The following TPCN2 variants were observed in gnomAD, a reference collection of about 807,000 sequenced individuals.
The protein encoded by TPCN2 is two pore segment channel 2, also known as two pore channel protein 2.
In TPCN2, 92 loss-of-function variants were observed where a neutral mutation model predicts 111.4. That is an observed-to-expected ratio of 0.83 (90% CI 0.70 to 0.98). The LOEUF (loss-of-function observed/expected upper bound fraction) is 0.98, where lower values mean the gene tolerates loss of function less well. Ranked by LOEUF, TPCN2 falls within the 50% of genes least tolerant of loss-of-function variation. TPCN2 has a pLI of 0.00. For synonymous variants in TPCN2, 405 were observed against 414.5 expected (o/e 0.98, Z 0.28); for missense variants, 995 against 980.1 (o/e 1.02, Z -0.20).
Position 69,072,621 on chromosome 11 carries a change from C to G in TPCN2, c.1062-6C>G. 1.2e-6 allele frequency: 2 copies of G among 1,613,810 alleles called. No individual in the cohort carries two copies. The highest frequency in any genetic ancestry group is 1.7e-6 in the Non-Finnish European group (2 of 1,179,948). ...TGCTCACCGGGCTGTGGGTTTTTCC[C>G]TGCAGAGTTGGGGTGAAGCCCCAGA... On this transcript the variant is annotated splice_region_variant and splice_polypyrimidine_tract_variant and intron_variant, in intron 11 of 24. Coordinates refer to ENST00000294309, the MANE Select transcript of TPCN2 (RefSeq NM_139075.4).
intron 19 of TPCN2, chr11:69,084,891 G>A (rs1473667455): frequency 1.1e-5 from 9 of 822,864 alleles, no homozygotes; most frequent in Non-Finnish European, 1.3e-5. Flanking sequence ...CTCTGCTGAC[G>A]CATGTTAGGG....
intron 18 of TPCN2, 24 bp from the exon 19 acceptor site, chr11:69,083,921 G>T (rs1262339563): frequency 1.2e-6 from 2 of 1,611,328 alleles, no homozygotes; most frequent in Non-Finnish European, 8.5e-7. Context: ...AGGAGTAAGG[G>T]CTGTGCTCTC....
intron 10 of TPCN2, among the ~76,000 whole-genome samples, 157 bp downstream of exon 10, chr11:69,071,577 A>G (rs994472661): frequency 6.6e-6 from 1 of 152,152 alleles, no homozygotes; most frequent in Non-Finnish European, 1.5e-5. Flanking sequence ...GGGGATGCAC[A>G]TGTGTTGTTG....
At chr11:69,073,151 C>T in intron 13 of TPCN2, 150 bp downstream of exon 13, 1 of 603,560 alleles carries the variant, frequency 1.7e-6, no homozygotes, top group Non-Finnish European at 3.0e-6. Flanking sequence ...GAATGGAGTT[C>T]TCTTTGGCTC....
chr11:69,087,237 G>A, intron 24 of TPCN2, 31 bp downstream of exon 24: 1 of 1,598,410 alleles, frequency 6.3e-7, no homozygotes, highest in Non-Finnish European at 8.6e-7. Context: ...CTTCTGTCTG[G>A]CCCCCTGGGA....
chr11:69,081,717 G>A (rs965880588), intron 18 of TPCN2, among the ~76,000 whole-genome samples: 4 of 152,200 alleles, frequency 2.6e-5, no homozygotes, highest in Admixed American at 2.6e-4. Context: ...GTTGGGAGAG[G>A]AAGGCGGGCA....
At chr11:69,080,572 C>T (rs534738372) in intron 17 of TPCN2, among the ~76,000 whole-genome samples, 38 of 152,322 alleles carry the variant, frequency 2.5e-4, no homozygotes, top group Admixed American at 1.6e-3. Context: ...ATGCCAGCCT[C>T]GGCCCTGTGG....
intron 1 of TPCN2, among the ~76,000 whole-genome samples, chr11:69,052,245 C>CT (rs563837085): frequency 5.3e-5 from 8 of 152,158 alleles, no homozygotes; most frequent in Non-Finnish European, 1.2e-4. Context: ...CACTAGATCT[C>CT]TCCTGGTAGA....
chr11:69,079,360 C>A (rs1855913497), intron 16 of TPCN2: 1 of 340,708 alleles, frequency 2.9e-6, no homozygotes, highest in Non-Finnish European at 5.4e-6. Context: ...GGTGTGACCT[C>A]AGCATGGGTG....
rs746923249 is a variant in TPCN2, at chr11:69,055,240, C to T, written c.317C>T (p.Thr106Ile). 3 of 1,614,146 alleles carry T rather than the reference C, an allele frequency of 1.9e-6. No homozygotes were observed. The highest frequency in any genetic ancestry group is 1.1e-5 in the South Asian group (1 of 91,096). ...TTTATCGAGACCCCATCCTCACTCA[C>T]CAGCACGGCGGACGTGCGCTACCGC... ...LAFIETPSSLTSTADVRYRAA... is the reference protein window; with the variant it reads ...LAFIETPSSLISTADVRYRAA... Residue 106 changes from threonine (T) to isoleucine (I), a missense_variant, in exon 4 of 25, where the codon ACC (threonine) becomes ATC (isoleucine). Physicochemically the swap from Thr to Ile is moderately conservative, Grantham distance 89 (BLOSUM62 -1). Transcript: ENST00000294309.
intron 19 of TPCN2, chr11:69,084,873 C>T (rs976274487): frequency 1.8e-5 from 16 of 898,358 alleles, no homozygotes; most frequent in Non-Finnish European, 2.1e-5. Context: ...AGGCGTGTAC[C>T]CCTTCCACTC....
chr11:69,079,445 G>GT, intron 16 of TPCN2: 1 of 284,982 alleles, frequency 3.5e-6, no homozygotes, highest in Non-Finnish European at 6.6e-6. Flanking sequence ...CCCAGACCCA[G>GT]TGGGAGTGAG....
chr11:69,079,006 A>C lies in TPCN2; in HGVS notation c.1525A>C (p.Thr509Pro), dbSNP rs932272335. ...YPSNVFDGLL[T>P]VVLLVLEIST... is the part of the protein sequence containing the mutation. ...CAGCAACGTGTTTGACGGGCTCCTC[A>C]CCGTTGTCCTGCTGGTAAAGTAGGC... Residue 509 changes from threonine to proline, a missense_variant, in exon 16 of 25, where the codon ACC becomes CCC. Transcript: ENST00000294309. 2 of 1,611,486 alleles carry C rather than the reference A, an allele frequency of 1.2e-6. No individual in the cohort carries two copies. Among genetic ancestry groups the C allele is most frequent in the Non-Finnish European group, 1.7e-6 (2 of 1,178,722 alleles).
rs1258122723 is a variant in TPCN2 at position 69,079,150 on chromosome 11, TGG to T, written c.1539+131_1539+132del. ...TAGGAAGGTGGGCTTCTGCTCTCAG[TGG>T]TGAGGGCTGGCTTCCCTGCTGGCCG... On this transcript the variant is annotated intron_variant, in intron 16 of 24. Transcript: ENST00000294309. The T allele has an allele frequency of 7.4e-6, 9 of 1,220,736 alleles. No individual in the cohort carries two copies. The East Asian group carries it at 2.2e-4, about 30-fold the overall frequency. The allele number at this position is 1,220,736 out of a possible 1,614,324, so 75.6% of individuals were successfully genotyped here.
At chr11:69,052,925 C>T (rs1861296301) in intron 1 of TPCN2, among the ~76,000 whole-genome samples, 1 of 152,264 alleles carries the variant, frequency 6.6e-6, no homozygotes, top group Non-Finnish European at 1.5e-5. Context: ...AAGTGTCAGC[C>T]TCTCCGGGCT....
At chr11:69,077,784 T>G (rs1855855088) in intron 13 of TPCN2, among the ~76,000 whole-genome samples, 1 of 152,230 alleles carries the variant, frequency 6.6e-6, no homozygotes, top group Admixed American at 6.5e-5. Context: ...TGTAGCCACG[T>G]GTCACATGTG....
rs1565098676 is a variant in TPCN2, at chr11:69,089,859, T to A, written c.*1906T>A. 1 of 152,290 alleles carries A rather than the reference T, an allele frequency of 6.6e-6. No homozygotes were observed. Among genetic ancestry groups the A allele is most frequent in the Non-Finnish European group, 1.5e-5 (1 of 68,062 alleles). The allele number at this position is 152,290 out of a possible 1,614,324, so 9.4% of individuals were successfully genotyped here. On this transcript the variant is annotated 3_prime_UTR_variant, in exon 25 of 25. Coordinates refer to ENST00000294309, the MANE Select transcript of TPCN2 (RefSeq NM_139075.4). ...GGCTGTGGTCTGTTATGACATTTACTCTCAGGCTCAGGTCCTGCTTGTTTG... is the reference window on the plus strand; with the variant it reads ...GGCTGTGGTCTGTTATGACATTTACACTCAGGCTCAGGTCCTGCTTGTTTG...
At chr11:69,059,334 C>G (rs1854917430) in intron 5 of TPCN2, among the ~76,000 whole-genome samples, 1 of 149,442 alleles carries the variant, frequency 6.7e-6, no homozygotes, top group African/African-American at 2.4e-5. Flanking sequence ...AAGCTATGGT[C>G]CAGCGTGTGT....
chr11:69,070,082 T>C (rs1855456013), intron 8 of TPCN2, among the ~76,000 whole-genome samples: 2 of 151,590 alleles, frequency 1.3e-5, no homozygotes, highest in South Asian at 4.2e-4. Context: ...TGGAGTGCAG[T>C]GGTGCAGTCT....
Sources: gnomAD v4.1 joint callset for allele counts (sites outside exome capture counted in the v4.1 genomes callset) on GRCh38, gnomAD v4.1.1 for gene constraint, MANE v1.5 for transcripts, NCBI Gene and HGNC (gene_info 2026-07-23, HGNC 2026-07-21) for gene names.